NFU1: variants seen among roughly 807,000 people sequenced by gnomAD.
NFU1 encodes NFU1 iron-sulfur cluster scaffold homolog, mitochondrial.
NFU1 carries 30 observed loss-of-function variants against 32.2 expected under a neutral mutation model. The observed-to-expected ratio is 0.93, with a 90% CI of 0.70 to 1.26. The LOEUF is 1.26. NFU1 is among the 50% of genes most tolerant of loss of function. The pLI is 0.00. For missense variants in NFU1, 306 were observed against 306.6 expected (o/e 1.00, Z 0.02); for synonymous variants, 112 against 104.6 (o/e 1.07, Z -0.43).
At chr2:69,415,107 T>G in intron 5 of NFU1, 78 bp downstream of exon 5, 1 of 777,344 alleles carries the variant, frequency 1.3e-6, no homozygotes, top group East Asian at 2.6e-5. Context: ...CTATGACTTC[T>G]GAAATCAAGG....
At chr2:69,406,784 T>C (rs1672707723) in intron 5 of NFU1, among the ~76,000 whole-genome samples, 1 of 152,096 alleles carries the variant, frequency 6.6e-6, no homozygotes, top group South Asian at 2.1e-4. Context: ...GTTGCTGATA[T>C]GGTTTGGCTG....
chr2:69,437,280 G>C, intron 1 of NFU1, 81 bp downstream of exon 1: 1 of 1,540,540 alleles, frequency 6.5e-7, no homozygotes, highest in Admixed American at 2.0e-5. Flanking sequence ...CCCGCCTCGA[G>C]AGAGGGTCTG....
intron 3 of NFU1, 46 bp downstream of exon 3, chr2:69,423,536 A>C (rs1171316943): frequency 1.3e-5 from 20 of 1,572,550 alleles, no homozygotes; most frequent in Non-Finnish European, 1.5e-5. Flanking sequence ...AAAGTCAGTT[A>C]GTTATTTATG....
chr2:69,439,532 C>T (rs1352169191), upstream of NFU1, among the ~76,000 whole-genome samples: 1 of 152,176 alleles, frequency 6.6e-6, no homozygotes, highest in Non-Finnish European at 1.5e-5. Context: ...AAGAACAAAG[C>T]TTTCATAACA....
chr2:69,400,675 T>C lies in NFU1; in HGVS notation c.546-137A>G, dbSNP rs1314590158. The C allele has an allele frequency of 7.1e-6, 5 of 699,980 alleles. No individual in the cohort carries two copies. In the African/African-American group the frequency reaches 7.4e-5, roughly 10 times the overall value. The allele number at this position is 699,980 out of a possible 1,614,324, so 43.4% of individuals were successfully genotyped here. ...GAGCTACTTTTATAATACAGAATAA[T>C]AACTGTGGCTAAGTTTTATTTAGAA... On this transcript the variant is annotated intron_variant, in intron 6 of 7. Coordinates refer to ENST00000410022, the MANE Select transcript of NFU1 (RefSeq NM_001002755.4).
chr2:69,420,583 G>A (rs992232468), intron 3 of NFU1, among the ~76,000 whole-genome samples: 1 of 152,090 alleles, frequency 6.6e-6, no homozygotes, highest in Non-Finnish European at 1.5e-5. Flanking sequence ...TATATACATA[G>A]TATCATATTG....
intron 2 of NFU1, among the ~76,000 whole-genome samples, chr2:69,431,610 T>A (rs1167481521): frequency 6.6e-6 from 1 of 152,176 alleles, no homozygotes; most frequent in Non-Finnish European, 1.5e-5. Flanking sequence ...CCCAGTCAGA[T>A]TTTAACTTCT....
At chr2:69,410,808 A>G (rs1672855010) in intron 5 of NFU1, 3 of 152,190 alleles carry the variant, frequency 2.0e-5, no homozygotes, top group Admixed American at 2.0e-4. Flanking sequence ...ATGTTGAAGA[A>G]ATGTTAATTC....
rs1485376351 is a variant in NFU1, at chr2:69,423,646, C to A, written c.238G>T (p.Val80Phe). 9 of 1,612,562 alleles carry A rather than the reference C, an allele frequency of 5.6e-6. No individual in the cohort carries two copies. The highest frequency in any genetic ancestry group is 1.3e-5 in the African/African-American group (1 of 74,848). The change falls in exon 3 of 8, where the codon GTT (valine) becomes TTT (phenylalanine). Residue 80 changes from valine (V) to phenylalanine (F), a missense_variant. Transcript: ENST00000410022. ...AAATCCATGGTCCTTGTCTCAAGAACTGGTTTTCCTGGTATAAACTTTAAG... is the reference window on the plus strand; with the variant it reads ...AAATCCATGGTCCTTGTCTCAAGAAATGGTTTTCCTGGTATAAACTTTAAG... ...NSLKFIPGKP[V>F]LETRTMDFPT...
chr2:69,418,126 G>A (rs144063654), intron 4 of NFU1, among the ~76,000 whole-genome samples: 279 of 152,268 alleles, frequency 1.8e-3, no homozygotes, highest in African/African-American at 6.3e-3. Flanking sequence ...GGGGCTGGAC[G>A]TGGTGGTTCA....
chr2:69,398,778 T>C (rs1389725445), intron 7 of NFU1, among the ~76,000 whole-genome samples: 3 of 152,136 alleles, frequency 2.0e-5, no homozygotes, highest in African/African-American at 7.2e-5. Flanking sequence ...ACCAACTGGA[T>C]TTGCCAGCCT....
At chr2:69,397,617 T>TAA (rs11454493) in intron 7 of NFU1, among the ~76,000 whole-genome samples, 12 of 143,162 alleles carry the variant, frequency 8.4e-5, no homozygotes, top group African/African-American at 1.6e-4. Flanking sequence ...GTTTTTTTTT[T>TAA]TAAAAAAAAT....
intron 7 of NFU1, among the ~76,000 whole-genome samples, chr2:69,398,722 G>A (rs568517169): frequency 6.6e-6 from 1 of 152,258 alleles, no homozygotes; most frequent in South Asian, 2.1e-4. Flanking sequence ...GCAGCTGCCC[G>A]ATAAATGGCT....
chr2:69,396,663 T>A (rs375933275), intron 7 of NFU1, among the ~76,000 whole-genome samples: 23 of 151,120 alleles, frequency 1.5e-4, no homozygotes, highest in Non-Finnish European at 3.1e-4. Flanking sequence ...AAAAAAAAAA[T>A]AAAATAAAAT....
At position 69,427,679 on chromosome 2, in the gene NFU1, C is replaced by CAA. The variant is rs35639734; in HGVS notation, c.167-3964_167-3963dup. On this transcript the variant is annotated intron_variant, in intron 2 of 7. Transcript: ENST00000410022. ...TGGGTGACAGAGTGACACTCAGTCTCAAAAAAAAAAAAAAAAAAAAGGCCA... is the reference window on the plus strand; with the variant it reads ...TGGGTGACAGAGTGACACTCAGTCTCAAAAAAAAAAAAAAAAAAAAAAGGCCA... Among the ~76,000 whole-genome samples, 96 of 61,652 alleles carry CAA rather than the reference C, an allele frequency of 1.6e-3. 2 individuals carry two copies. The highest frequency in any genetic ancestry group is 0.01 in the Middle Eastern group (1 of 100). 40.4% of individuals were successfully genotyped at this position (61,652 alleles called of 152,430 possible). A position where few individuals can be genotyped will look rare whatever the true frequency, so the allele number is the denominator to read the frequency against.
At chr2:69,404,169 A>G (rs1305818450) in intron 6 of NFU1, among the ~76,000 whole-genome samples, 3 of 150,938 alleles carry the variant, frequency 2.0e-5, no homozygotes, top group Non-Finnish European at 4.4e-5. Context: ...CACAAAAATT[A>G]TAGATATTTC....
chr2:69,436,666 T>G lies in NFU1; in HGVS notation c.62+695A>C, dbSNP rs189729954. On this transcript the variant is annotated intron_variant, in intron 1 of 7. Coordinates refer to ENST00000410022, the MANE Select transcript of NFU1 (RefSeq NM_001002755.4). Reference sequence around the variant, plus strand: ...CCATTAACACTACAATGTCTAATACTCTAGAGGGCAAACTCTCCGTAGGCC... The same window carrying G: ...CCATTAACACTACAATGTCTAATACGCTAGAGGGCAAACTCTCCGTAGGCC... 1.7e-3 allele frequency among the ~76,000 whole-genome samples: 259 copies of G among 152,342 alleles called. 2 individuals are homozygous for G. In the East Asian group the frequency reaches 0.02, roughly 12 times the overall value.
In NFU1 at chr2:69,400,276, T is replaced by G. The variant is rs1390791504; in HGVS notation, c.720+88A>C. On this transcript the variant is annotated intron_variant, in intron 7 of 7. Coordinates refer to ENST00000410022, the MANE Select transcript of NFU1 (RefSeq NM_001002755.4). ...AGGTCATGAACTTCTTTTCAAATAC[T>G]TGCCTTAACATCTATTTCCAGCCTT... 18 of 1,204,684 alleles carry G rather than the reference T, an allele frequency of 1.5e-5. No individual in the cohort carries two copies. In the East Asian group the frequency reaches 4.2e-4, roughly 28 times the overall value. The allele number at this position is 1,204,684 out of a possible 1,614,324, so 74.6% of individuals were successfully genotyped here.
At chr2:69,407,097 T>C (rs2104751688) in intron 5 of NFU1, among the ~76,000 whole-genome samples, 1 of 152,226 alleles carries the variant, frequency 6.6e-6, no homozygotes, top group South Asian at 2.1e-4. Flanking sequence ...CTCTTTCCTT[T>C]ATAAATTGCC....
Sources: allele counts gnomAD v4.1 joint callset (sites outside exome capture counted in the v4.1 genomes callset), GRCh38; gene constraint gnomAD v4.1.1; transcripts MANE v1.5; gene names NCBI Gene and HGNC (gene_info 2026-07-23, HGNC 2026-07-21).